Variants in BMPR1B observed in about 807,000 individuals in gnomAD.
BMPR1B encodes the protein bone morphogenetic protein receptor type-1B.
Under a neutral mutation model 59.1 loss-of-function variants are expected in BMPR1B, and 12 were observed. That is an observed-to-expected ratio of 0.20 (90% confidence interval 0.13 to 0.33). BMPR1B has a LOEUF of 0.33. Ranked by LOEUF, BMPR1B falls within the 10% of genes least tolerant of loss-of-function variation. The pLI is 1.00. For synonymous variants in BMPR1B, 237 were observed against 207.3 expected (o/e 1.14, Z -1.23); for missense variants, 550 against 610.9 (o/e 0.90, Z 1.05).
intron 1 of BMPR1B, among the ~76,000 whole-genome samples, chr4:94,853,068 C>T (rs1476689965): frequency 3.9e-5 from 6 of 152,174 alleles, no homozygotes; most frequent in East Asian, 1.9e-4. Flanking sequence ...TTCCAGACTC[C>T]GGGGACCTGC....
intron 1 of BMPR1B, among the ~76,000 whole-genome samples, chr4:94,810,450 C>T (rs541332057): frequency 7.9e-5 from 12 of 152,054 alleles, no homozygotes; most frequent in South Asian, 2.1e-4. Context: ...ATTAAAAAAT[C>T]GGTGCAAGGG....
chr4:94,968,815 T>C (rs1730660323), intron 2 of BMPR1B, among the ~76,000 whole-genome samples: 1 of 152,128 alleles, frequency 6.6e-6, no homozygotes. Flanking sequence ...GGTCTTTTTG[T>C]ATAATACTCA....
In BMPR1B at chr4:95,114,768, G is replaced by A. The variant is rs1456565999; in HGVS notation, c.192G>A (p.Leu64=). Residue 64 remains leucine, a synonymous_variant, in exon 5 of 13, where the codon TTG becomes TTA. Coordinates refer to ENST00000515059, the MANE Select transcript of BMPR1B (RefSeq NM_001203.3). ...TGATAGAAGAGGATGACTCTGGGTT[G>A]CCTGTGGTCACTTCTGGTTGCCTAG... ...FTMIEEDDSG[L]PVVTSGCLGL... 1.2e-6 allele frequency: 2 copies of A among 1,613,730 alleles called. No homozygotes were observed. The highest frequency in any genetic ancestry group is 2.7e-5 in the African/African-American group (2 of 74,864).
chr4:94,984,071 C>CT (rs1721255912), intron 2 of BMPR1B, among the ~76,000 whole-genome samples: 1 of 152,056 alleles, frequency 6.6e-6, no homozygotes. Context: ...CAATAAAAAA[C>CT]GATATACTAA....
chr4:94,902,707 A>G (rs1007270309), intron 2 of BMPR1B, among the ~76,000 whole-genome samples: 11 of 151,992 alleles, frequency 7.2e-5, no homozygotes, highest in Admixed American at 2.0e-4. Context: ...TGGGAATTTC[A>G]TATCTCTTTG....
intron 3 of BMPR1B, among the ~76,000 whole-genome samples, chr4:95,083,941 T>G (rs1729369110): frequency 6.6e-6 from 1 of 152,214 alleles, no homozygotes. Context: ...CAGATTACTC[T>G]GTGATTAGTT....
At chr4:95,028,897 A>G (rs1218406933) in intron 3 of BMPR1B, among the ~76,000 whole-genome samples, 4 of 151,986 alleles carry the variant, frequency 2.6e-5, no homozygotes, top group Non-Finnish European at 5.9e-5. Flanking sequence ...TAATTAGAAA[A>G]TGTTTAAAAT....
chr4:95,105,250 A>G (rs1245602395), intron 4 of BMPR1B, among the ~76,000 whole-genome samples: 3 of 152,126 alleles, frequency 2.0e-5, no homozygotes, highest in South Asian at 4.1e-4. Context: ...ATAAAGAGCT[A>G]TAGCCTAATG....
chr4:94,941,921 A>G (rs865910629), intron 2 of BMPR1B, among the ~76,000 whole-genome samples: 3 of 152,294 alleles, frequency 2.0e-5, no homozygotes, highest in Middle Eastern at 3.4e-3. Context: ...CTGTGCCCAA[A>G]CATTTCAAAT....
chr4:95,030,082 T>G (rs1724716630), intron 3 of BMPR1B, among the ~76,000 whole-genome samples: 2 of 151,592 alleles, frequency 1.3e-5, no homozygotes, highest in Non-Finnish European at 3.0e-5. Context: ...TTCACTCTGA[T>G]GGTAGTTTCT....
At chr4:95,005,943 T>C (rs1277011728) in intron 3 of BMPR1B, among the ~76,000 whole-genome samples, 2 of 152,198 alleles carry the variant, frequency 1.3e-5, no homozygotes, top group African/African-American at 4.8e-5. Flanking sequence ...TTATAATTAA[T>C]GGTAACGTCA....
chr4:95,052,288 G>T (rs1726562913), intron 3 of BMPR1B, among the ~76,000 whole-genome samples: 1 of 152,100 alleles, frequency 6.6e-6, no homozygotes, highest in African/African-American at 2.4e-5. Context: ...ACAGGGGCTT[G>T]CTTTGTGATA....
At chr4:94,805,216 G>A (rs1294739637) in intron 1 of BMPR1B, among the ~76,000 whole-genome samples, 1 of 152,100 alleles carries the variant, frequency 6.6e-6, no homozygotes, top group Non-Finnish European at 1.5e-5. Flanking sequence ...ACAGTTTTAG[G>A]ATCATGTAGT....
At chr4:94,873,334 A>G (rs1263824460) in intron 1 of BMPR1B, among the ~76,000 whole-genome samples, 1 of 151,084 alleles carries the variant, frequency 6.6e-6, no homozygotes, top group Non-Finnish European at 1.5e-5. Flanking sequence ...CTTTTTGCAG[A>G]TCGAATCTTG....
At chr4:95,069,822 A>G (rs1375878282) in intron 3 of BMPR1B, among the ~76,000 whole-genome samples, 1 of 152,192 alleles carries the variant, frequency 6.6e-6, no homozygotes, top group African/African-American at 2.4e-5. Flanking sequence ...AATTTTGGCC[A>G]GGCGTGATGG....
chr4:94,802,710 G>A (rs6532509), intron 1 of BMPR1B, among the ~76,000 whole-genome samples: 83,721 of 151,936 alleles, frequency 0.55, 23,217 homozygotes, highest in Middle Eastern at 0.7. Flanking sequence ...GTATTATTTT[G>A]TGTATAATTG....
intron 1 of BMPR1B, among the ~76,000 whole-genome samples, chr4:94,768,475 CTT>C (rs1181363151): frequency 6.6e-6 from 1 of 152,126 alleles, no homozygotes; most frequent in Admixed American, 6.5e-5. Context: ...TTTGCATTCT[CTT>C]TTACTCTTCA....
At chr4:95,055,452 T>C (rs1382991556) in intron 3 of BMPR1B, among the ~76,000 whole-genome samples, 1 of 152,192 alleles carries the variant, frequency 6.6e-6, no homozygotes, top group Non-Finnish European at 1.5e-5. Context: ...TGGCAAAATA[T>C]ACTGAAAATC....
At chr4:95,067,271 G>C (rs1009296707) in intron 3 of BMPR1B, among the ~76,000 whole-genome samples, 16 of 152,140 alleles carry the variant, frequency 1.1e-4, no homozygotes, top group African/African-American at 3.1e-4. Flanking sequence ...AAATTGCTAA[G>C]GGCATTCCCC....
Sources: gnomAD v4.1 joint callset for allele counts (sites outside exome capture counted in the v4.1 genomes callset) on GRCh38, gnomAD v4.1.1 for gene constraint, MANE v1.5 for transcripts, NCBI Gene and HGNC (gene_info 2026-07-23, HGNC 2026-07-21) for gene names.